Variants in PSMD1 observed in about 807,000 individuals in gnomAD.
The protein encoded by PSMD1 is 26S proteasome non-ATPase regulatory subunit 1.
A neutral mutation model predicts 119.0 loss-of-function variants in PSMD1; 18 were observed. That is an observed-to-expected ratio of 0.15 (90% CI 0.10 to 0.22). The LOEUF (loss-of-function observed/expected upper bound fraction) is 0.22. Among genes scored for constraint, PSMD1 ranks in the 10% least tolerant of loss-of-function variants. The pLI is 1.00. For missense variants in PSMD1, 702 were observed against 1,158.5 expected, an observed-to-expected ratio of 0.61 and a Z score of 5.72; for synonymous variants, 374 against 396.6, an observed-to-expected ratio of 0.94 and a Z score of 0.68.
intron 16 of PSMD1, among the ~76,000 whole-genome samples, chr2:231,127,630 G>A (rs547218679): frequency 9.9e-5 from 15 of 152,212 alleles, no homozygotes; most frequent in African/African-American, 1.9e-4. Context: ...CTGGGATTAC[G>A]GGCATGAGCC....
intron 16 of PSMD1, chr2:231,113,640 G>A (rs1695231808): frequency 8.5e-7 from 1 of 1,170,684 alleles, no homozygotes; most frequent in Non-Finnish European, 1.3e-6. Context: ...CTCATGCTGA[G>A]TTTCATTGCC....
chr2:231,135,650 C>T (rs990669673), intron 16 of PSMD1, among the ~76,000 whole-genome samples: 1 of 152,076 alleles, frequency 6.6e-6, no homozygotes, highest in African/African-American at 2.4e-5. Context: ...GAAAATCTAT[C>T]TCTAATTATA....
chr2:231,065,394 G>A lies in PSMD1; in HGVS notation c.305-1512G>A, dbSNP rs887097241. On this transcript the variant is annotated intron_variant, in intron 4 of 24. Transcript: ENST00000308696. ...TGGAACCTCCACCTCCCGGGTTCAC[G>A]CCATTCTCCTGCCTCAGCCTCCCGA... Among the ~76,000 whole-genome samples, 11 of 151,488 alleles carry A rather than the reference G, an allele frequency of 7.3e-5. No homozygotes were observed. The East Asian group carries it at 1.9e-3, about 27-fold the overall frequency.
rs769303319 is a variant in PSMD1, at chr2:231,161,371, C to T, written c.2250C>T (p.Ser750=). The T allele has an allele frequency of 6.2e-7, 1 of 1,613,338 alleles. No individual in the cohort carries two copies. Among genetic ancestry groups the T allele is most frequent in the Non-Finnish European group, 8.5e-7 (1 of 1,179,572 alleles). Reference sequence around the variant, plus strand: ...ATAATGTCACAATCTCCTTGCAGTCCAGGACTGGGCATACTCATATGCCTT... The same window carrying T: ...ATAATGTCACAATCTCCTTGCAGTCTAGGACTGGGCATACTCATATGCCTT... ...GGHNVTISLQ[S]RTGHTHMPSV... is the part of the protein sequence containing the mutation. Residue 750 remains serine (S), a synonymous_variant, in exon 20 of 25, where the codon TCC becomes TCT. Transcript: ENST00000308696.
At chr2:231,062,043 G>A (rs561082725) in intron 2 of PSMD1, among the ~76,000 whole-genome samples, 1 of 152,218 alleles carries the variant, frequency 6.6e-6, no homozygotes, top group African/African-American at 2.4e-5. Context: ...TATATTCAAA[G>A]AAGAAAAATG....
At chr2:231,072,825 T>C (rs2288148) in intron 7 of PSMD1, among the ~76,000 whole-genome samples, 5,368 of 152,300 alleles carry the variant, frequency 0.035, 113 homozygotes, top group East Asian at 0.11. Flanking sequence ...CAAATTTCTA[T>C]AGTATTAGAA....
At chr2:231,072,457 T>C in intron 7 of PSMD1, 42 bp downstream of exon 7, 1 of 1,491,892 alleles carries the variant, frequency 6.7e-7, no homozygotes, top group Middle Eastern at 1.7e-4. Context: ...TTGAATAATC[T>C]TTATTTCATT....
rs773102425 is a variant in PSMD1, at chr2:231,075,592, T to A, written c.942+21T>A. 3.1e-6 allele frequency: 5 copies of A among 1,594,898 alleles called. No homozygotes were observed. The Admixed American group carries it at 6.9e-5, about 22-fold the overall frequency. ...AAGCCGTGAGTGTGCTTTTTTTTTT[T>A]CCTTTGAGACAGGGTCCTGATCTGT... On this transcript the variant is annotated intron_variant, in intron 8 of 24. Transcript: ENST00000308696.
At chr2:231,156,651 C>T (rs1696513745) in intron 19 of PSMD1, among the ~76,000 whole-genome samples, 1 of 151,744 alleles carries the variant, frequency 6.6e-6, no homozygotes. Context: ...AGTGATATCC[C>T]CTTTTTCATT....
chr2:231,165,595 A>G (rs1303680270), intron 22 of PSMD1, among the ~76,000 whole-genome samples: 4 of 152,198 alleles, frequency 2.6e-5, no homozygotes, highest in East Asian at 1.9e-4. Context: ...AACCCTTTCA[A>G]GCAAAGGGAT....
intron 7 of PSMD1, among the ~76,000 whole-genome samples, chr2:231,074,811 T>C (rs1574709470): frequency 1.3e-5 from 2 of 152,330 alleles, no homozygotes; most frequent in Non-Finnish European, 2.9e-5. Flanking sequence ...TATGTAGTAC[T>C]ATACAAAATA....
chr2:231,142,102 C>G (rs886688169), intron 17 of PSMD1, among the ~76,000 whole-genome samples: 3 of 151,960 alleles, frequency 2.0e-5, no homozygotes, highest in African/African-American at 7.2e-5. Context: ...AGGCTGGTCT[C>G]GAACTCCTGA....
chr2:231,084,519 A>G (rs757688915), intron 14 of PSMD1, among the ~76,000 whole-genome samples: 8 of 152,084 alleles, frequency 5.3e-5, no homozygotes, highest in Non-Finnish European at 1.0e-4. Context: ...ATGGTGTTGT[A>G]TATGGTGGGT....
At chr2:231,064,103 A>G (rs1291389073) in intron 4 of PSMD1, among the ~76,000 whole-genome samples, 1 of 152,216 alleles carries the variant, frequency 6.6e-6, no homozygotes, top group East Asian at 1.9e-4. Flanking sequence ...TGCCTTCTAA[A>G]CACTGTATCA....
rs541881520 is a variant in PSMD1 at position 231,167,283 on chromosome 2, G to C, written c.2715+1266G>C. Among the ~76,000 whole-genome samples the C allele has an allele frequency of 3.3e-5, 5 of 152,232 alleles. No homozygotes were observed. In the South Asian group the frequency reaches 1.0e-3, roughly 32 times the overall value. ...TGTCTGTAAACTTATCTTACCAGTAGCATGGGAATCCAGAACAGATGTATT... is the reference window on the plus strand; with the variant it reads ...TGTCTGTAAACTTATCTTACCAGTACCATGGGAATCCAGAACAGATGTATT... On this transcript the variant is annotated intron_variant, in intron 23 of 24. Transcript: ENST00000308696.
At chr2:231,153,236 T>G (rs1696410039) in intron 18 of PSMD1, among the ~76,000 whole-genome samples, 1 of 152,192 alleles carries the variant, frequency 6.6e-6, no homozygotes, top group Non-Finnish European at 1.5e-5. Context: ...CAAAATGCAA[T>G]GAAAGCCTTA....
intron 19 of PSMD1, among the ~76,000 whole-genome samples, chr2:231,154,097 G>A (rs1261267533): frequency 1.3e-5 from 2 of 151,474 alleles, no homozygotes; most frequent in African/African-American, 2.4e-5. Context: ...GGGGCAACAA[G>A]AGCAAAACTC....
intron 16 of PSMD1, among the ~76,000 whole-genome samples, chr2:231,126,278 C>T (rs1574755934): frequency 6.6e-6 from 1 of 151,880 alleles, no homozygotes; most frequent in Non-Finnish European, 1.5e-5. Context: ...GGTTCACACC[C>T]GTAGTCCCAG....
At chr2:231,132,074 C>T (rs1005607166) in intron 16 of PSMD1, among the ~76,000 whole-genome samples, 1 of 152,058 alleles carries the variant, frequency 6.6e-6, no homozygotes. Flanking sequence ...GCATTAGGCT[C>T]CTGGTATTTA....
Sources: gnomAD v4.1 joint callset for allele counts (sites outside exome capture counted in the v4.1 genomes callset) on GRCh38, gnomAD v4.1.1 for gene constraint, MANE v1.5 for transcripts, NCBI Gene and HGNC (gene_info 2026-07-23, HGNC 2026-07-21) for gene names.